TAF1: variants seen among roughly 807,000 people sequenced by gnomAD.
TAF1 encodes the protein transcription initiation factor TFIID subunit 1.
TAF1 carries 2 observed loss-of-function variants against 138.5 expected under a neutral mutation model. That is an observed-to-expected ratio of 0.01 (90% CI 0.01 to 0.05). TAF1 has a LOEUF of 0.05. Ranked by LOEUF, TAF1 falls within the 10% of genes least tolerant of loss-of-function variation. The pLI, the probability that TAF1 is intolerant of heterozygous loss-of-function variation, is 1.00. For synonymous variants in TAF1, 437 were observed against 503.2 expected, an observed-to-expected ratio of 0.87 and a Z score of 1.76; for missense variants, 709 against 1,478.0, an observed-to-expected ratio of 0.48 and a Z score of 8.53.
chrX:71,385,251 T>C (rs1349474562), intron 14 of TAF1, among the ~76,000 whole-genome samples: 1 of 112,334 alleles, frequency 8.9e-6, no homozygotes, highest in Non-Finnish European at 1.9e-5. Context: ...TCAGGCTAAA[T>C]GTAAAATAGG....
Position 71,401,461 on chromosome X carries a change from C to T in TAF1, c.3787-67C>T, listed in dbSNP as rs1052391045. 13 of 1,159,703 alleles carry T rather than the reference C, an allele frequency of 1.1e-5. No individual in the cohort carries two copies. The South Asian group carries it at 2.0e-4, about 18-fold the overall frequency. ...ACTGAGGGATGACTTTATTTCTTAC[C>T]TGCTTATCTCTGATATGTGTTTCAG... On this transcript the variant is annotated intron_variant, in intron 24 of 37. Coordinates refer to ENST00000423759, the MANE Select transcript of TAF1 (RefSeq NM_004606.5).
chrX:71,389,608 C>G lies in TAF1; in HGVS notation c.2724C>G (p.Ser908=). 1 of 1,206,313 alleles carries G rather than the reference C, an allele frequency of 8.3e-7. No individual in the cohort carries two copies. The highest frequency in any genetic ancestry group is 1.7e-5 in the African/African-American group (1 of 57,367). Residue 908 remains serine (S), a synonymous_variant, in exon 18 of 38, where the codon TCC becomes TCG. Transcript: ENST00000423759. The part of the protein sequence containing the change: ...RLKDAGYGEK[S]FFAPEEENEE... The stretch of plus-strand genomic sequence containing the variant: ...AGGATGCTGGCTATGGTGAGAAATC[C>G]TTTTTTGCTCCAGAAGAAGAAAATG...
chrX:71,429,028 C>G (rs779230420), intron 32 of TAF1, among the ~76,000 whole-genome samples: 157 of 111,526 alleles, frequency 1.4e-3, no homozygotes, highest in African/African-American at 5.1e-3. Flanking sequence ...GTAATCCCAG[C>G]ACTTTGGGAG....
chrX:71,432,843 G>A (rs747233302), intron 32 of TAF1, among the ~76,000 whole-genome samples: 3 of 111,604 alleles, frequency 2.7e-5, no homozygotes, highest in East Asian at 5.5e-4. Context: ...CAAATTTTCC[G>A]TTAGGCTTAT....
At position 71,460,618 on chromosome X, in the gene TAF1, T is replaced by C. The variant is rs991619323; in HGVS notation, c.5222-8T>C. On this transcript the variant is annotated splice_region_variant and splice_polypyrimidine_tract_variant and intron_variant, in intron 36 of 37. Transcript: ENST00000423759. ...TCTTGATGACCCAGAATCTGTCTCT[T>C]TTTACAGCTATCCAGCTGAGTGAAA... The C allele has an allele frequency of 8.3e-7, 1 of 1,210,452 alleles. No homozygotes were observed. Among genetic ancestry groups the C allele is most frequent in the East Asian group, 3.0e-5 (1 of 33,842 alleles).
At chrX:71,471,460 ACTT>A (rs1471489890) in intron 13 of TAF1, among the ~76,000 whole-genome samples, 4 of 96,049 alleles carry the variant, frequency 4.2e-5, no homozygotes, top group African/African-American at 1.6e-4. Context: ...TGAAATGGTC[ACTT>A]TTTTTTTTTT....
intron 13 of TAF1, chrX:71,528,018 C>G (rs1426597382): frequency 5.8e-6 from 1 of 171,341 alleles, no homozygotes; most frequent in Non-Finnish European, 1.1e-5. Context: ...AGAAAAAACT[C>G]TATTTTCCAG....
chrX:71,429,180 C>G (rs1395258472), intron 32 of TAF1, among the ~76,000 whole-genome samples: 1 of 110,062 alleles, frequency 9.1e-6, no homozygotes, highest in Non-Finnish European at 1.9e-5. Context: ...GAGGCTGAGG[C>G]AGGAGAATGG....
chrX:71,462,462 C>G (rs1569377318), intron 37 of TAF1, among the ~76,000 whole-genome samples: 1 of 110,376 alleles, frequency 9.1e-6, no homozygotes, highest in African/African-American at 3.3e-5. Flanking sequence ...GTCCCAGCTA[C>G]TCAGGAGGCT....
At chrX:71,511,484 C>G (rs867982750) in intron 13 of TAF1, among the ~76,000 whole-genome samples, 1 of 112,388 alleles carries the variant, frequency 8.9e-6, no homozygotes, top group African/African-American at 3.2e-5. Context: ...AGGTAAGAAC[C>G]AGGATCATTT....
At chrX:71,403,174 G>GACC (rs2035271797) in intron 25 of TAF1, among the ~76,000 whole-genome samples, 1 of 110,185 alleles carries the variant, frequency 9.1e-6, no homozygotes, top group African/African-American at 3.3e-5. Context: ...GACTACAGGT[G>GACC]TGCAGTACCA....
intron 32 of TAF1, among the ~76,000 whole-genome samples, chrX:71,433,532 G>C (rs760296127): frequency 9.0e-6 from 1 of 111,180 alleles, no homozygotes; most frequent in Non-Finnish European, 1.9e-5. Context: ...TCCTTCTTCT[G>C]ATTGTTGTCC....
At chrX:71,391,219 G>T (rs183422233) in intron 18 of TAF1, among the ~76,000 whole-genome samples, 1 of 111,409 alleles carries the variant, frequency 9.0e-6, no homozygotes, top group African/African-American at 3.3e-5. Context: ...TGAAAAAGTA[G>T]TATGGAGGAG....
At chrX:71,469,344 A>G (rs1262973740), downstream of TAF1, among the ~76,000 whole-genome samples, 7 of 111,527 alleles carry the variant, frequency 6.3e-5, no homozygotes, top group Non-Finnish European at 9.4e-5. Context: ...TAAGTGAGAC[A>G]ATATACAAAA....
rs1220975979 is a variant in TAF1 at position 71,439,297 on chromosome X, CT to C, written c.4754-14864del. Among the ~76,000 whole-genome samples, 3 of 110,193 alleles carry C rather than the reference CT, an allele frequency of 2.7e-5. No individual in the cohort carries two copies. The East Asian group carries it at 8.5e-4, about 31-fold the overall frequency. On this transcript the variant is annotated intron_variant, in intron 32 of 37. Transcript: ENST00000423759. ...ACCCAGTAGCTACGTCTAGGAAACT[CT>C]TTTTTTTTAATTCTTCACTTTGAAT...
intron 32 of TAF1, among the ~76,000 whole-genome samples, chrX:71,453,538 A>C (rs758555844): frequency 5.6e-4 from 62 of 110,096 alleles, no homozygotes; most frequent in Non-Finnish European, 1.1e-3. Context: ...TAAAAACAAC[A>C]GCCTGCACCA....
chrX:71,423,941 T>G, intron 30 of TAF1, 33 bp from the exon 31 acceptor site: 3 of 1,099,846 alleles, frequency 2.7e-6, no homozygotes, highest in Non-Finnish European at 3.7e-6. Context: ...AAGAGTGGTT[T>G]CCATTTAATT....
chrX:71,451,987 T>C (rs1339438797), intron 32 of TAF1, among the ~76,000 whole-genome samples: 3 of 112,566 alleles, frequency 2.7e-5, no homozygotes, highest in African/African-American at 6.4e-5. Flanking sequence ...CAATGAGCTG[T>C]TGGGTACACC....
intron 1 of TAF1, among the ~76,000 whole-genome samples, chrX:71,367,264 G>GTAT (rs28382149): frequency 0.073 from 8,217 of 112,226 alleles, 663 homozygotes; most frequent in African/African-American, 0.24. Context: ...TTCTCTTGTA[G>GTAT]TATACTTTAA....
Sources: allele counts gnomAD v4.1 joint callset (sites outside exome capture counted in the v4.1 genomes callset), GRCh38; gene constraint gnomAD v4.1.1; transcripts MANE v1.5; gene names NCBI Gene and HGNC (gene_info 2026-07-23, HGNC 2026-07-21).